Variants in MGAT5 observed in about 807,000 individuals in gnomAD.
The protein encoded by MGAT5 is alpha-1,6-mannosylglycoprotein 6-beta-N-acetylglucosaminyltransferase.
MGAT5 carries 30 observed loss-of-function variants against 94.3 expected under a neutral mutation model. That is an observed-to-expected ratio of 0.32 (90% CI 0.24 to 0.43). The LOEUF is 0.43. MGAT5 is among the 20% of genes least tolerant of loss of function. The pLI, the probability that MGAT5 is intolerant of heterozygous loss-of-function variation, is 1.00. For synonymous variants in MGAT5, 310 were observed against 322.9 expected, an observed-to-expected ratio of 0.96 and a Z score of 0.43; for missense variants, 691 against 905.5, an observed-to-expected ratio of 0.76 and a Z score of 3.04.
At chr2:134,139,153 A>G (rs1237402065) in intron 1 of MGAT5, among the ~76,000 whole-genome samples, 1 of 152,228 alleles carries the variant, frequency 6.6e-6, no homozygotes, top group Non-Finnish European at 1.5e-5. Context: ...AAACATGGAA[A>G]GGGTTTTGTT....
intron 10 of MGAT5, among the ~76,000 whole-genome samples, chr2:134,395,055 G>T (rs1682628819): frequency 6.6e-6 from 1 of 152,198 alleles, no homozygotes; most frequent in African/African-American, 2.4e-5. Flanking sequence ...ACACATTTGG[G>T]CTGTGGTGGT....
intron 1 of MGAT5, among the ~76,000 whole-genome samples, chr2:134,130,168 G>A (rs1686064352): frequency 6.7e-6 from 1 of 149,384 alleles, no homozygotes; most frequent in Admixed American, 6.7e-5. Context: ...CGCGGGGCAG[G>A]GCTGGGGATC....
At chr2:134,232,004 C>T (rs2105399066) in intron 1 of MGAT5, among the ~76,000 whole-genome samples, 1 of 152,270 alleles carries the variant, frequency 6.6e-6, no homozygotes, top group South Asian at 2.1e-4. Context: ...AAACCAGCTC[C>T]TCCATTTTCC....
intron 10 of MGAT5, among the ~76,000 whole-genome samples, chr2:134,366,729 C>A (rs1194101220): frequency 1.3e-5 from 2 of 152,204 alleles, no homozygotes; most frequent in African/African-American, 4.8e-5. Context: ...CACAAGCATC[C>A]AGGTGATACC....
chr2:134,254,040 G>A (rs1199713461), upstream of MGAT5, among the ~76,000 whole-genome samples: 1 of 152,180 alleles, frequency 6.6e-6, no homozygotes, highest in African/African-American at 2.4e-5. Context: ...CACTACACCT[G>A]TTAACACACG....
chr2:134,122,655 C>T (rs1325302499), intron 1 of MGAT5, among the ~76,000 whole-genome samples: 2 of 152,190 alleles, frequency 1.3e-5, no homozygotes, highest in Admixed American at 6.5e-5. Flanking sequence ...GGGGTGGCTC[C>T]AACTGGATAT....
At chr2:134,233,979 C>G (rs951108965) in intron 1 of MGAT5, among the ~76,000 whole-genome samples, 1 of 152,226 alleles carries the variant, frequency 6.6e-6, no homozygotes, top group African/African-American at 2.4e-5. Flanking sequence ...TCTTTCACAG[C>G]TGAGAAGCTG....
chr2:134,371,619 A>G (rs928491636), intron 10 of MGAT5, among the ~76,000 whole-genome samples: 3 of 152,084 alleles, frequency 2.0e-5, no homozygotes, highest in Middle Eastern at 3.2e-3. Context: ...GGTGGTTGGG[A>G]AGAATGCATG....
rs76426177 is a variant in MGAT5 at position 134,390,958 on chromosome 2, C to G, written c.1381-12030C>G. On this transcript the variant is annotated intron_variant, in intron 10 of 15. Transcript: ENST00000281923. ...ACTTTTGCCTCTCTTTGTCTTGTTT[C>G]AGACCCTAAAGGTCTTCGTTTCTTG... Among the ~76,000 whole-genome samples the G allele has an allele frequency of 2.3e-3, 355 of 152,284 alleles. 2 individuals carry two copies. Among genetic ancestry groups the G allele is most frequent in the African/African-American group, 8.3e-3 (345 of 41,550 alleles).
At chr2:134,287,877 T>G (rs1685106225) in intron 2 of MGAT5, among the ~76,000 whole-genome samples, 1 of 152,256 alleles carries the variant, frequency 6.6e-6, no homozygotes, top group Admixed American at 6.5e-5. Context: ...TGAATATTCC[T>G]GTCTTACATC....
chr2:134,193,553 C>T (rs550995534), intron 1 of MGAT5, among the ~76,000 whole-genome samples: 1 of 152,228 alleles, frequency 6.6e-6, no homozygotes, highest in South Asian at 2.1e-4. Context: ...GGTGGACATG[C>T]CCCCTAAGCC....
chr2:134,197,822 C>T (rs1248620226), intron 1 of MGAT5, among the ~76,000 whole-genome samples: 1 of 152,138 alleles, frequency 6.6e-6, no homozygotes, highest in African/African-American at 2.4e-5. Flanking sequence ...CCCAGTGTTG[C>T]TCTCCTTTGT....
intron 1 of MGAT5, among the ~76,000 whole-genome samples, chr2:134,227,208 C>T (rs192645457): frequency 6.6e-6 from 1 of 152,278 alleles, no homozygotes; most frequent in Non-Finnish European, 1.5e-5. Context: ...AAGAGACATC[C>T]TTGGGCTCTG....
chr2:134,217,322 T>C (rs563685293), intron 1 of MGAT5, among the ~76,000 whole-genome samples: 32 of 151,888 alleles, frequency 2.1e-4, no homozygotes, highest in African/African-American at 6.0e-4. Context: ...TACATCTTTT[T>C]TGAGCACTTA....
intron 15 of MGAT5, among the ~76,000 whole-genome samples, chr2:134,445,176 C>T (rs1292537867): frequency 6.6e-6 from 1 of 152,142 alleles, no homozygotes; most frequent in Non-Finnish European, 1.5e-5. Flanking sequence ...GGGAAGGTGA[C>T]CCTTAGTAGG....
At chr2:134,342,908 C>A (rs975352051) in intron 7 of MGAT5, among the ~76,000 whole-genome samples, 9 of 152,142 alleles carry the variant, frequency 5.9e-5, no homozygotes, top group African/African-American at 2.2e-4. Context: ...AATAATTACA[C>A]AAATTCCAAT....
intron 4 of MGAT5, 69 bp from the exon 5 acceptor site, chr2:134,336,136 AGGAGCTGTTCTC>A: frequency 9.2e-7 from 1 of 1,083,930 alleles, no homozygotes; most frequent in Non-Finnish European, 1.4e-6. Context: ...GTTGTGTGCC[AGGAGCTGTTCTC>A]GGTGCTTTTT....
intron 9 of MGAT5, among the ~76,000 whole-genome samples, chr2:134,358,595 C>T (rs1212346822): frequency 6.6e-6 from 1 of 151,910 alleles, no homozygotes; most frequent in African/African-American, 2.4e-5. Flanking sequence ...CCCAGGCTGG[C>T]GCTGGGGTTT....
chr2:134,354,800 G>C (rs1679621200), intron 9 of MGAT5, among the ~76,000 whole-genome samples: 1 of 152,126 alleles, frequency 6.6e-6, no homozygotes, highest in Non-Finnish European at 1.5e-5. Context: ...TTTTCCCCAG[G>C]AATCTGGTAA....
Sources: gnomAD v4.1 joint callset for allele counts (sites outside exome capture counted in the v4.1 genomes callset) on GRCh38, gnomAD v4.1.1 for gene constraint, MANE v1.5 for transcripts, NCBI Gene and HGNC (gene_info 2026-07-23, HGNC 2026-07-21) for gene names.